The following FCHSD2 variants were observed in gnomAD, a reference collection of about 807,000 sequenced individuals.
FCHSD2 encodes F-BAR and double SH3 domains protein 2.
FCHSD2 carries 38 observed loss-of-function variants against 108.1 expected under a neutral mutation model. The ratio of observed to expected loss-of-function variants is 0.35; its 90% CI spans 0.27 to 0.46. FCHSD2 has a LOEUF of 0.46. FCHSD2 is among the 20% of genes least tolerant of loss of function. FCHSD2 has a pLI of 1.00. For missense variants in FCHSD2, 751 were observed against 897.8 expected (o/e 0.84, Z 2.09); for synonymous variants, 279 against 314.7 (o/e 0.89, Z 1.20).
chr11:73,058,004 C>T (rs559657264), intron 3 of FCHSD2, among the ~76,000 whole-genome samples: 1 of 152,126 alleles, frequency 6.6e-6, no homozygotes, highest in Non-Finnish European at 1.5e-5. Context: ...CTCAGCTTCC[C>T]GAGTAGCTGG....
intron 13 of FCHSD2, among the ~76,000 whole-genome samples, chr11:72,860,317 T>C (rs1341560925): frequency 1.3e-5 from 2 of 152,110 alleles, no homozygotes; most frequent in African/African-American, 2.4e-5. Flanking sequence ...CCCCTAACAA[T>C]AGCAAAATAT....
At chr11:73,111,646 G>T (rs905107033) in intron 2 of FCHSD2, among the ~76,000 whole-genome samples, 9 of 151,176 alleles carry the variant, frequency 6.0e-5, no homozygotes, top group Admixed American at 3.9e-4. Context: ...TTTTATTTTT[G>T]GGTGTGTGGT....
chr11:73,113,005 C>T (rs1021848825), intron 2 of FCHSD2, among the ~76,000 whole-genome samples: 4 of 152,030 alleles, frequency 2.6e-5, no homozygotes, highest in Non-Finnish European at 4.4e-5. Flanking sequence ...ATCTGGTAGG[C>T]GTGCTTCATT....
chr11:72,939,248 T>C (rs1565332435), intron 8 of FCHSD2, among the ~76,000 whole-genome samples: 1 of 152,006 alleles, frequency 6.6e-6, no homozygotes, highest in Non-Finnish European at 1.5e-5. Context: ...GGAAGGAAGG[T>C]CAAAAAAGAC....
chr11:72,949,619 C>G (rs1372760775), intron 8 of FCHSD2, among the ~76,000 whole-genome samples: 1 of 152,186 alleles, frequency 6.6e-6, no homozygotes, highest in Non-Finnish European at 1.5e-5. Context: ...GAAATGGAAT[C>G]ATACAATATA....
chr11:72,917,529 C>T (rs1356804403), intron 9 of FCHSD2, among the ~76,000 whole-genome samples: 1 of 152,092 alleles, frequency 6.6e-6, no homozygotes, highest in Non-Finnish European at 1.5e-5. Flanking sequence ...GTGAGTCCTC[C>T]AACTTTATTT....
intron 8 of FCHSD2, among the ~76,000 whole-genome samples, chr11:72,929,270 T>C (rs894323558): frequency 1.8e-4 from 28 of 152,224 alleles, no homozygotes; most frequent in African/African-American, 6.3e-4. Context: ...ATGGTATTTC[T>C]AGTTCTAGAT....
chr11:73,011,049 G>A (rs1232063330), intron 4 of FCHSD2, among the ~76,000 whole-genome samples: 1 of 152,186 alleles, frequency 6.6e-6, no homozygotes, highest in Admixed American at 6.5e-5. Flanking sequence ...TGATTGTAGT[G>A]GCAGGGGTGG....
chr11:73,057,736 C>CTATTAA (rs1859060287), intron 3 of FCHSD2, among the ~76,000 whole-genome samples: 2 of 152,146 alleles, frequency 1.3e-5, no homozygotes, highest in Non-Finnish European at 2.9e-5. Context: ...ATTAATCAAG[C>CTATTAA]TCAGTCCCTA....
At chr11:72,873,670 C>T (rs1196613776) in intron 12 of FCHSD2, among the ~76,000 whole-genome samples, 1 of 152,132 alleles carries the variant, frequency 6.6e-6, no homozygotes, top group Non-Finnish European at 1.5e-5. Context: ...CAAAGACTTA[C>T]CCCTGTGGTT....
At chr11:72,869,506 T>C (rs1854805089) in intron 12 of FCHSD2, 1 of 147,896 alleles carries the variant, frequency 6.8e-6, no homozygotes, top group Non-Finnish European at 1.5e-5. Flanking sequence ...AATCAGGGTC[T>C]CCTAACAATG....
At chr11:72,882,776 A>G (rs941124968) in intron 12 of FCHSD2, among the ~76,000 whole-genome samples, 5 of 152,254 alleles carry the variant, frequency 3.3e-5, no homozygotes, top group Non-Finnish European at 7.3e-5. Flanking sequence ...TTGAGAAGTC[A>G]ATTCTCCTCA....
chr11:73,068,729 G>T (rs1859355502), intron 3 of FCHSD2, among the ~76,000 whole-genome samples: 1 of 150,296 alleles, frequency 6.7e-6, no homozygotes, highest in Non-Finnish European at 1.5e-5. Flanking sequence ...CAACACTTTG[G>T]GAGGCCGAGG....
intron 3 of FCHSD2, among the ~76,000 whole-genome samples, chr11:73,035,118 C>G (rs567382720): frequency 2.7e-4 from 41 of 152,188 alleles, no homozygotes; most frequent in African/African-American, 9.9e-4. Context: ...TGGACCTTGA[C>G]AAGTTATTTA....
chr11:73,054,600 A>G (rs1040411602), intron 3 of FCHSD2, among the ~76,000 whole-genome samples: 3 of 146,360 alleles, frequency 2.0e-5, no homozygotes, highest in African/African-American at 7.4e-5. Context: ...TATTCCAACT[A>G]CAGGAGGGGA....
chr11:72,899,314 A>G (rs1335812613), intron 10 of FCHSD2, among the ~76,000 whole-genome samples: 1 of 152,240 alleles, frequency 6.6e-6, no homozygotes, highest in Non-Finnish European at 1.5e-5. Context: ...ACACAATCCA[A>G]TAAAAAAATA....
intron 8 of FCHSD2, among the ~76,000 whole-genome samples, chr11:72,956,838 A>C (rs1459490016): frequency 7.2e-6 from 1 of 138,892 alleles, no homozygotes; most frequent in Non-Finnish European, 1.6e-5. Flanking sequence ...AAAAAAAAAA[A>C]CCAACCCTAG....
At chr11:72,885,899 T>C (rs1855187725) in intron 12 of FCHSD2, among the ~76,000 whole-genome samples, 1 of 152,156 alleles carries the variant, frequency 6.6e-6, no homozygotes, top group Non-Finnish European at 1.5e-5. Context: ...AATTAGACTG[T>C]GAACAGGAAT....
chr11:72,973,532 T>C (rs1404873335), intron 8 of FCHSD2, among the ~76,000 whole-genome samples: 4 of 152,216 alleles, frequency 2.6e-5, no homozygotes, highest in South Asian at 2.1e-4. Context: ...AGTTGCATAA[T>C]ATCACAGGGC....
Sources: gnomAD v4.1 joint callset for allele counts (sites outside exome capture counted in the v4.1 genomes callset) on GRCh38, gnomAD v4.1.1 for gene constraint, MANE v1.5 for transcripts, NCBI Gene and HGNC (gene_info 2026-07-23, HGNC 2026-07-21) for gene names.